MEI1: variants seen among roughly 807,000 people sequenced by gnomAD.
MEI1 encodes the protein meiotic double-stranded break formation protein 1.
Under a neutral mutation model 146.2 loss-of-function variants are expected in MEI1, and 103 were observed. That is an observed-to-expected ratio of 0.70 (90% CI 0.60 to 0.83). The LOEUF is 0.83. Ranked by LOEUF, MEI1 falls within the 40% of genes least tolerant of loss-of-function variation. The probability of loss-of-function intolerance (pLI) is 0.00; values close to 1 mark genes in which losing one functional copy is unlikely to be tolerated. For missense variants in MEI1, 1,529 were observed against 1,533.0 expected, an observed-to-expected ratio of 1.00 and a Z score of 0.04; for synonymous variants, 652 against 628.2, an observed-to-expected ratio of 1.04 and a Z score of -0.57.
intron 15 of MEI1, among the ~76,000 whole-genome samples, chr22:41,752,066 C>T (rs2073792499): frequency 6.7e-6 from 1 of 149,304 alleles, no homozygotes; most frequent in Non-Finnish European, 1.5e-5. Context: ...GAGGCTCCGT[C>T]TCAGGAAAAA....
chr22:41,769,818 G>A (rs1260444751), intron 19 of MEI1, among the ~76,000 whole-genome samples: 1 of 151,870 alleles, frequency 6.6e-6, no homozygotes, highest in East Asian at 2.0e-4. Context: ...AATGGGAAGA[G>A]GTAGGTTTGT....
chr22:41,708,906 G>A (rs1181281618), intron 3 of MEI1, among the ~76,000 whole-genome samples: 3 of 152,140 alleles, frequency 2.0e-5, no homozygotes, highest in South Asian at 2.1e-4. Context: ...ACATAAAAAC[G>A]AATTTGTTTT....
At chr22:41,770,619 G>A in intron 19 of MEI1, 67 bp from the exon 20 acceptor site, 2 of 1,450,058 alleles carry the variant, frequency 1.4e-6, no homozygotes, top group Non-Finnish European at 1.9e-6. Context: ...GTCATCTCTT[G>A]GCCATGTTGG....
chr22:41,785,725 G>A (rs55886910), intron 26 of MEI1, among the ~76,000 whole-genome samples: 1,648 of 151,008 alleles, frequency 0.011, 26 homozygotes, highest in African/African-American at 0.039. Flanking sequence ...CACCATGCCC[G>A]GCTAATTTTT....
chr22:41,786,604 T>C (rs2075994890), intron 26 of MEI1, among the ~76,000 whole-genome samples: 3 of 152,226 alleles, frequency 2.0e-5, no homozygotes, highest in African/African-American at 2.4e-5. Context: ...GTTCCCAGAA[T>C]TGAGTCTCAT....
chr22:41,784,900 A>T (rs957871568), intron 26 of MEI1, 117 bp downstream of exon 26: 85 of 519,110 alleles, frequency 1.6e-4, no homozygotes, highest in East Asian at 3.6e-4. Flanking sequence ...AGACTTTTTT[A>T]AAAAAATTAT....
At chr22:41,734,405 C>T (rs7285359) in intron 11 of MEI1, among the ~76,000 whole-genome samples, 12,167 of 152,052 alleles carry the variant, frequency 0.08, 1,338 homozygotes, top group African/African-American at 0.25. Flanking sequence ...CCAGCCTGGC[C>T]AAGATGGTGA....
At chr22:41,769,476 AT>A (rs11407966) in intron 19 of MEI1, among the ~76,000 whole-genome samples, 2,577 of 148,184 alleles carry the variant, frequency 0.017, 73 homozygotes, top group African/African-American at 0.059. Flanking sequence ...ATATTAAGGA[AT>A]TTTTTTTTTT....
intron 13 of MEI1, among the ~76,000 whole-genome samples, chr22:41,745,574 A>T (rs532698452): frequency 6.6e-6 from 1 of 152,112 alleles, no homozygotes; most frequent in Non-Finnish European, 1.5e-5. Context: ...GGTATTCCAG[A>T]TAGAGAGAGC....
At chr22:41,712,672 A>ATGTGTGTGTGTGTG (rs140926503) in intron 3 of MEI1, among the ~76,000 whole-genome samples, 4,091 of 146,980 alleles carry the variant, frequency 0.028, 115 homozygotes, top group African/African-American at 0.067. Flanking sequence ...ATAGAAATAG[A>ATGTGTGTGTGTGTG]TGTGTGTGTG....
intron 3 of MEI1, among the ~76,000 whole-genome samples, chr22:41,708,774 C>A (rs1214697476): frequency 6.6e-6 from 1 of 152,214 alleles, no homozygotes; most frequent in South Asian, 2.1e-4. Context: ...ATCTCAGTGG[C>A]ATCACTGGAA....
At chr22:41,775,169 A>G (rs2075377341) in intron 20 of MEI1, among the ~76,000 whole-genome samples, 1 of 152,192 alleles carries the variant, frequency 6.6e-6, no homozygotes. Context: ...TATACTCACT[A>G]AAATAACTCT....
intron 6 of MEI1, among the ~76,000 whole-genome samples, chr22:41,723,696 G>A (rs1022468691): frequency 2.0e-5 from 3 of 152,096 alleles, no homozygotes; most frequent in South Asian, 4.2e-4. Flanking sequence ...TGAGGCAGTC[G>A]GGCTATGTTT....
intron 11 of MEI1, among the ~76,000 whole-genome samples, chr22:41,736,553 A>C (rs1465595204): frequency 6.6e-6 from 1 of 151,924 alleles, no homozygotes; most frequent in Non-Finnish European, 1.5e-5. Context: ...GCGCCTGGCC[A>C]AAAAATTTTT....
At chr22:41,759,541 A>T (rs2074325048) in intron 18 of MEI1, 1 of 152,032 alleles carries the variant, frequency 6.6e-6, no homozygotes, top group Non-Finnish European at 1.5e-5. Flanking sequence ...GAGGCAGGAG[A>T]ATGGTGTGAA....
At chr22:41,745,462 A>C (rs1430805957) in intron 13 of MEI1, among the ~76,000 whole-genome samples, 1 of 152,208 alleles carries the variant, frequency 6.6e-6, no homozygotes, top group Non-Finnish European at 1.5e-5. Context: ...TAGAAAGAAA[A>C]GTCAGAATGG....
intron 17 of MEI1, among the ~76,000 whole-genome samples, chr22:41,754,623 G>A (rs755558120): frequency 2.0e-5 from 3 of 151,834 alleles, no homozygotes; most frequent in African/African-American, 7.3e-5. Flanking sequence ...TAGTAGAGAC[G>A]GGCCTTCACC....
chr22:41,716,927 G>A (rs2070259209), intron 5 of MEI1, among the ~76,000 whole-genome samples: 1 of 151,466 alleles, frequency 6.6e-6, no homozygotes, highest in African/African-American at 2.4e-5. Flanking sequence ...CTGACCTGCT[G>A]TTGGACCCGC....
chr22:41,718,103 G>A lies in MEI1; in HGVS notation c.562G>A (p.Val188Ile). 6.2e-7 allele frequency: 1 copy of A among 1,613,004 alleles called. No individual in the cohort carries two copies. The highest frequency in any genetic ancestry group is 8.5e-7 in the Non-Finnish European group (1 of 1,179,732). ...GATGGAGCATCTGTTGAGAGGCTTA[G>A]TATACCCCAGTGAGGGCATACAAGC... ...NLMEHLLRGL[V>I]YPSEGIQASV... Residue 188 changes from valine to isoleucine, a missense_variant, in exon 6 of 31, where the codon GTA becomes ATA. This residue lies in a region of MEI1 where 1,212 missense variants were observed against 1,178.9 expected (regional missense o/e 1.03). Transcript: ENST00000401548.
Sources: gnomAD v4.1 joint callset for allele counts (sites outside exome capture counted in the v4.1 genomes callset) on GRCh38, gnomAD v4.1.1 for gene constraint, gnomAD v4.1.1 regional missense constraint, MANE v1.5 for transcripts, NCBI Gene and HGNC (gene_info 2026-07-23, HGNC 2026-07-21) for gene names.